The following DPP10 variants were observed in gnomAD, a reference collection of about 807,000 sequenced individuals.
The protein encoded by DPP10 is dipeptidyl peptidase like 10, also known as inactive dipeptidyl peptidase 10.
DPP10 carries 33 observed loss-of-function variants against 120.9 expected under a neutral mutation model. The observed-to-expected ratio is 0.27, with a 90% CI of 0.21 to 0.37. The LOEUF (loss-of-function observed/expected upper bound fraction) is 0.37, where lower values mean the gene tolerates loss of function less well. Ranked by LOEUF, DPP10 falls within the 10% of genes least tolerant of loss-of-function variation. The pLI, the probability that DPP10 is intolerant of heterozygous loss-of-function variation, is 1.00. For synonymous variants in DPP10, 337 were observed against 326.1 expected (o/e 1.03, Z -0.36); for missense variants, 816 against 942.8 (o/e 0.87, Z 1.76).
At chr2:114,641,546 T>C (rs1298131485) in intron 1 of DPP10, among the ~76,000 whole-genome samples, 1 of 152,018 alleles carries the variant, frequency 6.6e-6, no homozygotes, top group Non-Finnish European at 1.5e-5. Context: ...TTATACATTT[T>C]AAAATGATCT....
chr2:115,348,439 T>C (rs1048925940), intron 3 of DPP10, among the ~76,000 whole-genome samples: 1 of 152,140 alleles, frequency 6.6e-6, no homozygotes, highest in East Asian at 1.9e-4. Context: ...TTTTTACTTA[T>C]TTTGTTTTTT....
chr2:115,036,738 C>T (rs935380818), intron 1 of DPP10, among the ~76,000 whole-genome samples: 1 of 151,940 alleles, frequency 6.6e-6, no homozygotes, highest in Admixed American at 6.6e-5. Context: ...TGCTCATTAA[C>T]CTATTTTCTA....
At chr2:114,995,886 AC>A (rs1436817136) in intron 1 of DPP10, among the ~76,000 whole-genome samples, 3 of 152,222 alleles carry the variant, frequency 2.0e-5, no homozygotes, top group African/African-American at 7.2e-5. Context: ...AATAAAAATT[AC>A]CCATAAATTT....
At chr2:115,718,215 A>T (rs905603848) in intron 7 of DPP10, among the ~76,000 whole-genome samples, 1 of 152,074 alleles carries the variant, frequency 6.6e-6, no homozygotes, top group African/African-American at 2.4e-5. Context: ...ACATCTATGT[A>T]CAGGTACACT....
intron 5 of DPP10, among the ~76,000 whole-genome samples, chr2:115,584,209 A>C (rs1558883442): frequency 6.6e-6 from 1 of 152,204 alleles, no homozygotes; most frequent in Non-Finnish European, 1.5e-5. Flanking sequence ...TTTAAGTTTT[A>C]AGATACATTT....
At chr2:115,503,167 G>T (rs2076772901) in intron 4 of DPP10, among the ~76,000 whole-genome samples, 1 of 152,034 alleles carries the variant, frequency 6.6e-6, no homozygotes, top group South Asian at 2.1e-4. Context: ...ATGATTCCAA[G>T]CAAAATGTTA....
chr2:115,131,324 G>T (rs1247394215), intron 1 of DPP10, among the ~76,000 whole-genome samples: 1 of 152,152 alleles, frequency 6.6e-6, no homozygotes, highest in Non-Finnish European at 1.5e-5. Flanking sequence ...AGACAAGCCT[G>T]GGCAAAATGG....
chr2:115,595,484 C>T (rs114777156), intron 5 of DPP10, among the ~76,000 whole-genome samples: 25 of 152,116 alleles, frequency 1.6e-4, no homozygotes, highest in African/African-American at 5.8e-4. Context: ...TATTAAAGAG[C>T]AGATCAATGT....
intron 3 of DPP10, among the ~76,000 whole-genome samples, chr2:115,444,512 G>T (rs2104902822): frequency 6.6e-6 from 1 of 152,280 alleles, no homozygotes; most frequent in East Asian, 1.9e-4. Context: ...TTCTTTCCAA[G>T]AAGTGCTGAG....
At chr2:115,467,851 A>G (rs2074426849) in intron 3 of DPP10, among the ~76,000 whole-genome samples, 1 of 152,218 alleles carries the variant, frequency 6.6e-6, no homozygotes, top group Admixed American at 6.5e-5. Context: ...AGGAATGATT[A>G]CAAACAAAGA....
At chr2:115,446,050 G>A (rs2072557309) in intron 3 of DPP10, among the ~76,000 whole-genome samples, 1 of 152,170 alleles carries the variant, frequency 6.6e-6, no homozygotes, top group South Asian at 2.1e-4. Flanking sequence ...GGGACTTGGT[G>A]TCCTGTAGCC....
intron 3 of DPP10, among the ~76,000 whole-genome samples, chr2:115,402,953 A>G (rs975685679): frequency 5.6e-5 from 8 of 141,888 alleles, no homozygotes; most frequent in Non-Finnish European, 7.7e-5. Context: ...GTGTGTGTAT[A>G]TATATATATA....
chr2:115,224,057 A>G (rs1003703282), intron 1 of DPP10, among the ~76,000 whole-genome samples: 2 of 152,074 alleles, frequency 1.3e-5, no homozygotes, highest in Non-Finnish European at 2.9e-5. Context: ...TTCAATGATA[A>G]ACTCAAAGTA....
intron 1 of DPP10, among the ~76,000 whole-genome samples, chr2:114,528,743 C>A (rs755779392): frequency 2.6e-5 from 4 of 151,562 alleles, no homozygotes; most frequent in Non-Finnish European, 4.4e-5. Flanking sequence ...TGTCCCTTTC[C>A]TTTTTCTTAT....
intron 5 of DPP10, among the ~76,000 whole-genome samples, chr2:115,615,005 T>G (rs895756474): frequency 6.6e-6 from 1 of 152,230 alleles, no homozygotes; most frequent in Non-Finnish European, 1.5e-5. Flanking sequence ...TATGTCCACA[T>G]GCAGAGGCAG....
At chr2:115,540,218 T>C (rs2079096636) in intron 5 of DPP10, among the ~76,000 whole-genome samples, 1 of 151,982 alleles carries the variant, frequency 6.6e-6, no homozygotes, top group South Asian at 2.1e-4. Context: ...AAATATAATC[T>C]ACTGTACTTG....
intron 3 of DPP10, among the ~76,000 whole-genome samples, chr2:115,374,170 G>A (rs1259051084): frequency 2.6e-5 from 4 of 152,008 alleles, no homozygotes; most frequent in African/African-American, 4.8e-5. Flanking sequence ...CAATCCCCCA[G>A]TGTCTTAACT....
chr2:115,413,674 A>G (rs1717044), intron 3 of DPP10, among the ~76,000 whole-genome samples: 22,506 of 152,182 alleles, frequency 0.15, 2,496 homozygotes, highest in African/African-American at 0.31. Flanking sequence ...TGCTTTATGA[A>G]TGAAGTGCTG....
intron 1 of DPP10, among the ~76,000 whole-genome samples, chr2:115,202,939 G>A (rs868445283): frequency 7.9e-5 from 12 of 151,492 alleles, no homozygotes; most frequent in African/African-American, 1.4e-4. Flanking sequence ...TTTTACAAAC[G>A]TTGAGAAACA....
Sources: allele counts gnomAD v4.1 joint callset (sites outside exome capture counted in the v4.1 genomes callset), GRCh38; gene constraint gnomAD v4.1.1; transcripts MANE v1.5; gene names NCBI Gene and HGNC (gene_info 2026-07-23, HGNC 2026-07-21).